Variants in PRELID2 observed in about 807,000 individuals in gnomAD.
PRELID2 encodes the protein PRELI domain containing 2.
In PRELID2, 25 loss-of-function variants were observed where a neutral mutation model predicts 28.4. The ratio of observed to expected loss-of-function variants is 0.88; its 90% confidence interval spans 0.64 to 1.23. The LOEUF (loss-of-function observed/expected upper bound fraction) is 1.23, where lower values mean the gene tolerates loss of function less well. Ranked by LOEUF, PRELID2 falls within the 50% of genes most tolerant of loss-of-function variation. The pLI, the probability that PRELID2 is intolerant of heterozygous loss-of-function variation, is 0.00. For missense variants in PRELID2, 201 were observed against 214.4 expected, an observed-to-expected ratio of 0.94 and a Z score of 0.39; for synonymous variants, 76 against 71.6, an observed-to-expected ratio of 1.06 and a Z score of -0.31.
intron 1 of PRELID2, among the ~76,000 whole-genome samples, chr5:145,673,341 T>TG (rs533811105): frequency 6.0e-4 from 91 of 152,236 alleles, no homozygotes; most frequent in African/African-American, 1.6e-3. Flanking sequence ...AAGAAGGGAT[T>TG]GCTGGCCAAC....
chr5:145,667,799 C>A lies in PRELID2; in HGVS notation n.70+97132G>T, dbSNP rs970594852. On this transcript the variant is annotated intron_variant and non_coding_transcript_variant, in intron 1 of 2. Transcript: ENST00000510259. ...ATAAACCCACTAGCACCATACCTTG[C>A]ACTCAAATGTTAGCTTTCTTCCTCC... Among the ~76,000 whole-genome samples, 13 of 152,094 alleles carry A rather than the reference C, an allele frequency of 8.5e-5. 1 individual carries two copies. Among genetic ancestry groups the A allele is most frequent in the Non-Finnish European group, 1.6e-4 (11 of 68,000 alleles).
chr5:145,685,107 C>T (rs1052915049), intron 1 of PRELID2, among the ~76,000 whole-genome samples: 6 of 152,188 alleles, frequency 3.9e-5, no homozygotes, highest in African/African-American at 1.4e-4. Context: ...TATCCCAATA[C>T]ATTGAGAGAA....
intron 1 of PRELID2, among the ~76,000 whole-genome samples, chr5:145,657,266 T>C (rs1051026840): frequency 6.6e-6 from 1 of 152,142 alleles, no homozygotes; most frequent in Non-Finnish European, 1.5e-5. Flanking sequence ...ATGGATCCAA[T>C]TGTGAATTTT....
chr5:145,380,472 C>T, the PRELID2 span, among the ~76,000 whole-genome samples: 640 of 152,284 alleles, frequency 4.2e-3, 9 homozygotes, highest in South Asian at 0.032. Flanking sequence ...TTTCTAAATG[C>T]CCCCATGTGG....
chr5:145,616,306 T>C (rs1753696957), intron 1 of PRELID2, among the ~76,000 whole-genome samples: 1 of 152,180 alleles, frequency 6.6e-6, no homozygotes, highest in South Asian at 2.1e-4. Flanking sequence ...GCCAGGGAAG[T>C]TTTCCTCAAT....
At chr5:145,620,189 A>G (rs1249953223) in intron 1 of PRELID2, among the ~76,000 whole-genome samples, 1 of 152,242 alleles carries the variant, frequency 6.6e-6, no homozygotes, top group Non-Finnish European at 1.5e-5. Flanking sequence ...AAAAGAGAGG[A>G]AACATGTTGA....
chr5:145,463,773 A>G, the PRELID2 span, among the ~76,000 whole-genome samples: 7 of 152,200 alleles, frequency 4.6e-5, no homozygotes, highest in Non-Finnish European at 1.0e-4. Flanking sequence ...GACCAAAGAT[A>G]AACCAAAAGA....
intron 1 of PRELID2, among the ~76,000 whole-genome samples, chr5:145,535,263 G>T (rs1238462474): frequency 6.6e-6 from 1 of 151,402 alleles, no homozygotes; most frequent in Non-Finnish European, 1.5e-5. Context: ...AGAATTTTTG[G>T]AGATTATGTC....
At chr5:145,303,861 C>T in the PRELID2 span, among the ~76,000 whole-genome samples, 1 of 152,132 alleles carries the variant, frequency 6.6e-6, no homozygotes, top group Non-Finnish European at 1.5e-5. Context: ...TTGGAAATGA[C>T]CATCTTTGTT....
intron 1 of PRELID2, among the ~76,000 whole-genome samples, chr5:145,618,812 G>T (rs1229114758): frequency 1.3e-5 from 2 of 152,128 alleles, no homozygotes; most frequent in African/African-American, 2.4e-5. Flanking sequence ...TGGGGACAAG[G>T]CTAGGCATGT....
chr5:145,618,625 G>C lies in PRELID2; in HGVS notation n.71-145310C>G, dbSNP rs116512929. 9.0e-3 allele frequency among the ~76,000 whole-genome samples: 1,374 copies of C among 152,266 alleles called. 27 individuals are homozygous for C. Among genetic ancestry groups the C allele is most frequent in the African/African-American group, 0.031 (1,306 of 41,532 alleles). On this transcript the variant is annotated intron_variant and non_coding_transcript_variant, in intron 1 of 2. Transcript: ENST00000510259. ...GGGCTGTGTAAGGGTACCTAGCTTT[G>C]GTGATTTAATGCTCTATTTTTGTGC...
At chr5:145,427,907 T>C in the PRELID2 span, among the ~76,000 whole-genome samples, 5 of 152,164 alleles carry the variant, frequency 3.3e-5, no homozygotes, top group East Asian at 9.6e-4. Flanking sequence ...ATAGTGATAA[T>C]AGATGCCAGT....
intron 1 of PRELID2, among the ~76,000 whole-genome samples, chr5:145,678,686 C>G (rs999764943): frequency 2.0e-5 from 3 of 152,144 alleles, no homozygotes; most frequent in Admixed American, 6.5e-5. Flanking sequence ...TTTAGTACCA[C>G]TAGGTAAATG....
At chr5:145,402,152 G>A in the PRELID2 span, among the ~76,000 whole-genome samples, 1 of 151,984 alleles carries the variant, frequency 6.6e-6, no homozygotes, top group East Asian at 1.9e-4. Flanking sequence ...GGACAGATAT[G>A]ACCATTCACA....
intron 1 of PRELID2, among the ~76,000 whole-genome samples, chr5:145,664,784 C>T (rs1402160218): frequency 6.6e-6 from 1 of 152,076 alleles, no homozygotes; most frequent in Non-Finnish European, 1.5e-5. Context: ...TGTAGCACTG[C>T]CTCTCCAGCA....
chr5:145,552,914 T>A (rs1752849637), intron 1 of PRELID2, among the ~76,000 whole-genome samples: 1 of 152,240 alleles, frequency 6.6e-6, no homozygotes, highest in African/African-American at 2.4e-5. Context: ...CCTCAATGTT[T>A]ATATGTTAAT....
At chr5:145,256,240 C>T in the PRELID2 span, among the ~76,000 whole-genome samples, 1 of 152,008 alleles carries the variant, frequency 6.6e-6, no homozygotes, top group Non-Finnish European at 1.5e-5. Context: ...GACTGAATCT[C>T]TCTCACATCT....
rs1049514959 is a variant in PRELID2, at chr5:145,826,155, C to T, written c.76-3021G>A. 10 of 985,318 alleles carry T rather than the reference C, an allele frequency of 1.0e-5. No individual in the cohort carries two copies. The East Asian group carries it at 3.4e-4, about 33-fold the overall frequency. 61.0% of individuals were successfully genotyped at this position (985,318 alleles called of 1,614,324 possible). The stretch of plus-strand genomic sequence containing the variant: ...CACGCAGGGTGCTATCCTAGAGAAG[C>T]TGCCATGCGCATGATCTCATTCAGT... On this transcript the variant is annotated intron_variant, in intron 1 of 6. Transcript: ENST00000683046.
Position 145,622,930 on chromosome 5 carries a change from AT to A in PRELID2, n.70+142000del, listed in dbSNP as rs1753791555. On this transcript the variant is annotated intron_variant and non_coding_transcript_variant, in intron 1 of 2. Transcript: ENST00000510259. ...CTAGATATAAGACATATAAAAATTT[AT>A]TTTATTCTAACATAGCAGTAATAAA... 4.6e-5 allele frequency among the ~76,000 whole-genome samples: 7 copies of A among 152,162 alleles called. No individual in the cohort carries two copies. In the South Asian group the frequency reaches 1.5e-3, roughly 32 times the overall value.
Sources: allele counts gnomAD v4.1 joint callset (sites outside exome capture counted in the v4.1 genomes callset), GRCh38; gene constraint gnomAD v4.1.1; transcripts MANE v1.5; gene names NCBI Gene and HGNC (gene_info 2026-07-23, HGNC 2026-07-21).